F13A1: variants seen among roughly 807,000 people sequenced by gnomAD.
F13A1 encodes the protein FSF, A subunit.
In F13A1, 47 loss-of-function variants were observed where a neutral mutation model predicts 80.1. The ratio of observed to expected loss-of-function variants is 0.59; its 90% CI spans 0.46 to 0.75. The LOEUF (loss-of-function observed/expected upper bound fraction) is 0.75, where lower values mean the gene tolerates loss of function less well. Among genes scored for constraint, F13A1 ranks in the 30% least tolerant of loss-of-function variants. The probability of loss-of-function intolerance (pLI) is 0.00; values close to 1 mark genes in which losing one functional copy is unlikely to be tolerated. For synonymous variants in F13A1, 349 were observed against 344.9 expected, an observed-to-expected ratio of 1.01 and a Z score of -0.13; for missense variants, 817 against 930.4, an observed-to-expected ratio of 0.88 and a Z score of 1.59.
chr6:6,198,861 G>A (rs149586729), intron 8 of F13A1, among the ~76,000 whole-genome samples: 173 of 152,224 alleles, frequency 1.1e-3, no homozygotes, highest in African/African-American at 4.0e-3. Flanking sequence ...TTGATTTGGG[G>A]TGCCATGGAG....
At chr6:6,150,847 G>GT (rs1208855501) in intron 14 of F13A1, among the ~76,000 whole-genome samples, 21 of 152,004 alleles carry the variant, frequency 1.4e-4, no homozygotes, top group African/African-American at 3.4e-4. Flanking sequence ...TGGAATGTGT[G>GT]GGAGAGAGAG....
intron 13 of F13A1, among the ~76,000 whole-genome samples, chr6:6,152,872 A>T (rs746327900): frequency 2.6e-5 from 4 of 152,208 alleles, no homozygotes; most frequent in Admixed American, 6.5e-5. Context: ...AAATGAATGG[A>T]TCTGTATAAG....
chr6:6,289,470 A>G lies in F13A1; in HGVS notation c.319+15881T>C, dbSNP rs548775982. On this transcript the variant is annotated intron_variant, in intron 3 of 14. Transcript: ENST00000264870. The stretch of plus-strand genomic sequence containing the variant: ...CACACACGCACACACACATTTTACT[A>G]CTTCTAGTTATAGAAGTAAACATAA... Among the ~76,000 whole-genome samples the G allele has an allele frequency of 2.0e-5, 3 of 152,162 alleles. No individual in the cohort carries two copies. The East Asian group carries it at 5.8e-4, about 29-fold the overall frequency.
At chr6:6,223,295 A>G (rs1757225734) in intron 7 of F13A1, among the ~76,000 whole-genome samples, 2 of 152,192 alleles carry the variant, frequency 1.3e-5, no homozygotes, top group African/African-American at 4.8e-5. Context: ...AAAGACACGA[A>G]CGGATGTAAG....
At chr6:6,184,302 C>A (rs931870557) in intron 10 of F13A1, among the ~76,000 whole-genome samples, 2 of 152,252 alleles carry the variant, frequency 1.3e-5, no homozygotes, top group African/African-American at 4.8e-5. Context: ...AGCCCATAAC[C>A]TGGCCCTTGG....
intron 3 of F13A1, among the ~76,000 whole-genome samples, chr6:6,304,860 C>CA (rs10719492): frequency 0.073 from 7,512 of 103,120 alleles, 327 homozygotes; most frequent in Admixed American, 0.11. Context: ...GACTCTGTCT[C>CA]AAAAAAAAAA....
At chr6:6,149,390 C>T (rs72815065) in intron 14 of F13A1, among the ~76,000 whole-genome samples, 21,571 of 152,198 alleles carry the variant, frequency 0.14, 1,657 homozygotes, top group Middle Eastern at 0.17. Flanking sequence ...AGGACTGTTA[C>T]GGACTAAATG....
At chr6:6,296,953 T>G (rs1465336449) in intron 3 of F13A1, among the ~76,000 whole-genome samples, 1 of 147,476 alleles carries the variant, frequency 6.8e-6, no homozygotes, top group African/African-American at 2.6e-5. Flanking sequence ...GTTTTTAGCA[T>G]GAAGGGTTGT....
intron 6 of F13A1, among the ~76,000 whole-genome samples, chr6:6,230,244 G>A (rs1004840386): frequency 6.6e-6 from 1 of 152,132 alleles, no homozygotes; most frequent in Non-Finnish European, 1.5e-5. Context: ...ACTTAGGGCT[G>A]TTGAGGGGGG....
At chr6:6,298,764 G>A (rs1203771747) in intron 3 of F13A1, among the ~76,000 whole-genome samples, 1 of 149,604 alleles carries the variant, frequency 6.7e-6, no homozygotes, top group Non-Finnish European at 1.5e-5. Context: ...AGTTAATATT[G>A]TTATGTGTGA....
intron 3 of F13A1, among the ~76,000 whole-genome samples, chr6:6,285,173 T>C (rs1411971996): frequency 6.6e-6 from 1 of 152,156 alleles, no homozygotes; most frequent in East Asian, 1.9e-4. Context: ...CACTTGAACC[T>C]GGGAGGCAGA....
intron 13 of F13A1, among the ~76,000 whole-genome samples, chr6:6,160,096 G>A (rs1287981844): frequency 6.6e-6 from 1 of 151,804 alleles, no homozygotes; most frequent in Non-Finnish European, 1.5e-5. Context: ...GGCCAACGTG[G>A]TGAAACCCTG....
intron 2 of F13A1, among the ~76,000 whole-genome samples, chr6:6,307,899 A>C (rs1452851330): frequency 1.3e-5 from 2 of 152,046 alleles, no homozygotes; most frequent in African/African-American, 4.8e-5. Context: ...CCTCGTTCTG[A>C]CTTCTAGATA....
At chr6:6,315,132 C>A (rs1346325755) in intron 2 of F13A1, among the ~76,000 whole-genome samples, 1 of 152,174 alleles carries the variant, frequency 6.6e-6, no homozygotes. Flanking sequence ...CTATTGTTAA[C>A]AATATAGAGC....
intron 9 of F13A1, among the ~76,000 whole-genome samples, chr6:6,196,978 G>A (rs1325492737): frequency 1.3e-5 from 2 of 152,200 alleles, no homozygotes; most frequent in African/African-American, 4.8e-5. Context: ...AGCAAAGCAA[G>A]AATGGATGAA....
chr6:6,176,423 G>T (rs1335291410), intron 11 of F13A1, among the ~76,000 whole-genome samples: 1 of 152,174 alleles, frequency 6.6e-6, no homozygotes. Flanking sequence ...TGTAAAATAA[G>T]GGTGTCTACA....
At chr6:6,236,733 ACT>A (rs944954655) in intron 6 of F13A1, among the ~76,000 whole-genome samples, 2 of 152,058 alleles carry the variant, frequency 1.3e-5, no homozygotes, top group African/African-American at 4.8e-5. Context: ...GATTTCCATA[ACT>A]CTTTTAGAAA....
chr6:6,295,434 A>T (rs1412557514), intron 3 of F13A1, among the ~76,000 whole-genome samples: 2 of 148,078 alleles, frequency 1.4e-5, no homozygotes, highest in Non-Finnish European at 3.0e-5. Flanking sequence ...AATGATTGCC[A>T]TTCTAACTGG....
chr6:6,267,455 C>G (rs1186574227), intron 3 of F13A1, among the ~76,000 whole-genome samples: 6 of 152,172 alleles, frequency 3.9e-5, no homozygotes, highest in African/African-American at 1.4e-4. Context: ...CCAGAGGCAC[C>G]CATCTCCTGT....
Sources: gnomAD v4.1 joint callset for allele counts (sites outside exome capture counted in the v4.1 genomes callset) on GRCh38, gnomAD v4.1.1 for gene constraint, MANE v1.5 for transcripts, NCBI Gene and HGNC (gene_info 2026-07-23, HGNC 2026-07-21) for gene names.